Variants in MBIP observed in about 807,000 individuals in gnomAD.
The protein encoded by MBIP is MAP3K12 binding inhibitory protein 1, also known as MAP3K12-binding inhibitory protein 1.
Under a neutral mutation model 45.7 loss-of-function variants are expected in MBIP, and 32 were observed. That is an observed-to-expected ratio of 0.70 (90% confidence interval 0.53 to 0.94). The LOEUF (loss-of-function observed/expected upper bound fraction) is 0.94, where lower values mean the gene tolerates loss of function less well. Among genes scored for constraint, MBIP ranks in the 40% least tolerant of loss-of-function variants. The probability of loss-of-function intolerance (pLI) is 0.00; values close to 1 mark genes in which losing one functional copy is unlikely to be tolerated. For missense variants in MBIP, 381 were observed against 405.5 expected (o/e 0.94, Z 0.52); for synonymous variants, 145 against 141.0 (o/e 1.03, Z -0.20).
intron 8 of MBIP, 117 bp downstream of exon 8, chr14:36,300,667 TC>T: frequency 1.5e-6 from 1 of 662,412 alleles, no homozygotes; most frequent in South Asian, 2.4e-5. Flanking sequence ...TTTTCTTCAG[TC>T]CTAAATTTTA....
intron 1 of MBIP, 43 bp downstream of exon 1, chr14:36,320,417 C>T (rs373939126): frequency 9.3e-6 from 15 of 1,612,948 alleles, no homozygotes; most frequent in Non-Finnish European, 1.3e-5. Flanking sequence ...CGAGGAGGGA[C>T]CGGATGGTTT....
At chr14:36,317,572 A>AT in intron 1 of MBIP, among the ~76,000 whole-genome samples, 1 of 152,244 alleles carries the variant, frequency 6.6e-6, no homozygotes, top group East Asian at 1.9e-4. Context: ...TCAGTTGGTG[A>AT]TCTAATAGAA....
At chr14:36,303,569 A>G (rs1280556383) in intron 7 of MBIP, among the ~76,000 whole-genome samples, 1 of 152,218 alleles carries the variant, frequency 6.6e-6, no homozygotes, top group African/African-American at 2.4e-5. Flanking sequence ...AACACGTCTC[A>G]ACATAGAAAA....
chr14:36,311,739 C>G lies in MBIP; in HGVS notation c.638-14G>C, dbSNP rs755115690. On this transcript the variant is annotated splice_polypyrimidine_tract_variant and intron_variant, in intron 5 of 8. Transcript: ENST00000416007. ...CAACTCTAGAAACTAAATTAAGAAACTTTTGAGCCTATATACATTTGTATT... is the reference window on the plus strand; with the variant it reads ...CAACTCTAGAAACTAAATTAAGAAAGTTTTGAGCCTATATACATTTGTATT... The G allele has an allele frequency of 3.4e-5, 53 of 1,580,294 alleles. No homozygotes were observed. The highest frequency in any genetic ancestry group is 4.5e-5 in the Non-Finnish European group (52 of 1,164,660).
At chr14:36,308,263 C>G in intron 6 of MBIP, 74 bp from the exon 7 acceptor site, 1 of 753,026 alleles carries the variant, frequency 1.3e-6, no homozygotes, top group South Asian at 1.8e-5. Flanking sequence ...TCTTAAAATA[C>G]CATGCAAAGA....
intron 8 of MBIP, among the ~76,000 whole-genome samples, chr14:36,299,400 C>A (rs1337847097): frequency 1.3e-5 from 2 of 150,762 alleles, no homozygotes; most frequent in Non-Finnish European, 3.0e-5. Context: ...TTAAATATTT[C>A]TTTTTCTCTT....
At chr14:36,309,280 C>T (rs1880062024) in intron 6 of MBIP, among the ~76,000 whole-genome samples, 1 of 152,202 alleles carries the variant, frequency 6.6e-6, no homozygotes, top group Non-Finnish European at 1.5e-5. Context: ...TAATTTTCTC[C>T]ATTCCATTAC....
At position 36,299,130 on chromosome 14, in the gene MBIP, TGAG is replaced by T. The variant is rs1879374544; in HGVS notation, c.985_987del (p.Leu329del). On this transcript the variant is annotated inframe_deletion, in exon 9 of 9. Coordinates refer to ENST00000416007, the MANE Select transcript of MBIP (RefSeq NM_016586.3). The stretch of plus-strand genomic sequence containing the variant: ...ATGGATTCTGCTTCTCTTGATTTTC[TGAG>T]GAGGGCTTGTTTGAGGGCACTAATT... 6.2e-7 allele frequency: 1 copy of T among 1,613,866 alleles called. No homozygotes were observed. The highest frequency in any genetic ancestry group is 8.5e-7 in the Non-Finnish European group (1 of 1,179,844).
chr14:36,311,227 A>G (rs1880182528), intron 6 of MBIP, among the ~76,000 whole-genome samples: 1 of 152,186 alleles, frequency 6.6e-6, no homozygotes, highest in Non-Finnish European at 1.5e-5. Flanking sequence ...AGGAGGTTGA[A>G]GCAGGAGCAT....
At chr14:36,319,149 C>T (rs1026942039) in intron 1 of MBIP, among the ~76,000 whole-genome samples, 1 of 152,052 alleles carries the variant, frequency 6.6e-6, no homozygotes, top group African/African-American at 2.4e-5. Context: ...ATGTTTAAAT[C>T]ATTGCTCAGT....
chr14:36,306,801 T>C (rs1029169448), intron 7 of MBIP, among the ~76,000 whole-genome samples: 3 of 152,208 alleles, frequency 2.0e-5, no homozygotes, highest in African/African-American at 7.2e-5. Flanking sequence ...TAGACTACTG[T>C]AGGAAAAGTC....
intron 6 of MBIP, among the ~76,000 whole-genome samples, chr14:36,310,347 T>A (rs1880127650): frequency 6.6e-6 from 1 of 152,178 alleles, no homozygotes; most frequent in Non-Finnish European, 1.5e-5. Flanking sequence ...TGTCCTTTTT[T>A]GCAAATGGTG....
At chr14:36,306,303 G>A (rs1227927286) in intron 7 of MBIP, among the ~76,000 whole-genome samples, 1 of 152,002 alleles carries the variant, frequency 6.6e-6, no homozygotes, top group Non-Finnish European at 1.5e-5. Context: ...TGCCCAGGCT[G>A]GAGTGCAATG....
At chr14:36,311,446 T>C (rs944383617) in intron 6 of MBIP, 127 bp downstream of exon 6, 1 of 795,276 alleles carries the variant, frequency 1.3e-6, no homozygotes, top group Admixed American at 2.7e-5. Flanking sequence ...TAACACTTCC[T>C]GAGTGACTGG....
Position 36,299,140 on chromosome 14 carries a change from T to C in MBIP, c.978A>G (p.Gln326=). ...ELDEKISALK[Q]ALLRKSREAE... ...CTTCTCTTGATTTTCTGAGGAGGGCTTGTTTGAGGGCACTAATTTTCTCAT... is the reference window on the plus strand; with the variant it reads ...CTTCTCTTGATTTTCTGAGGAGGGCCTGTTTGAGGGCACTAATTTTCTCAT... Residue 326 remains glutamine (Q), a synonymous_variant, in exon 9 of 9, where the codon CAA becomes CAG. Transcript: ENST00000416007. 1 of 1,613,882 alleles carries C rather than the reference T, an allele frequency of 6.2e-7. No homozygotes were observed. Among genetic ancestry groups the C allele is most frequent in the South Asian group, 1.1e-5 (1 of 91,074 alleles).
intron 4 of MBIP, chr14:36,314,280 A>C: frequency 2.4e-6 from 1 of 423,490 alleles, no homozygotes; most frequent in Non-Finnish European, 4.2e-6. Context: ...TTCACCTGTG[A>C]TAAACACTTT....
At position 36,314,719 on chromosome 14, in the gene MBIP, A is replaced by G; in HGVS notation, c.446T>C (p.Val149Ala). The G allele has an allele frequency of 1.2e-6, 2 of 1,613,566 alleles. No homozygotes were observed. The highest frequency in any genetic ancestry group is 1.7e-6 in the Non-Finnish European group (2 of 1,179,690). Reference sequence around the variant, plus strand: ...TGCTTTTCCAGCCTTTATCTGAACTACTTCTGGATCAAAATGGATCTGTGT... The same window carrying G: ...TGCTTTTCCAGCCTTTATCTGAACTGCTTCTGGATCAAAATGGATCTGTGT... ...KKTQIHFDPE[V>A]VQIKAGKAEI... Residue 149 changes from valine to alanine, a missense_variant, in exon 3 of 9, where the codon GTA becomes GCA. Physicochemically the swap from Val to Ala is moderately conservative, Grantham distance 64. Transcript: ENST00000416007.
chr14:36,298,664 ATT>A lies in MBIP; in HGVS notation c.*417_*418del. The A allele has an allele frequency of 6.5e-6, 1 of 154,356 alleles. No homozygotes were observed. Among genetic ancestry groups the A allele is most frequent in the Middle Eastern group, 3.4e-3 (1 of 298 alleles). 9.6% of individuals were successfully genotyped at this position (154,356 alleles called of 1,614,324 possible). ...ATTTAAAATTCATTTCAGTCAATAA[ATT>A]TTTGTTGAATGCTTATTATATGCAA... On this transcript the variant is annotated 3_prime_UTR_variant, in exon 9 of 9. Coordinates refer to ENST00000416007, the MANE Select transcript of MBIP (RefSeq NM_016586.3).
At chr14:36,311,531 T>C (rs1211709967) in intron 6 of MBIP, 42 bp downstream of exon 6, 9 of 1,540,520 alleles carry the variant, frequency 5.8e-6, no homozygotes, top group Non-Finnish European at 7.9e-6. Flanking sequence ...TTTAACCATT[T>C]GCAAAGGTTC....
Sources: allele counts gnomAD v4.1 joint callset (sites outside exome capture counted in the v4.1 genomes callset), GRCh38; gene constraint gnomAD v4.1.1; transcripts MANE v1.5; gene names NCBI Gene and HGNC (gene_info 2026-07-23, HGNC 2026-07-21).